The following SIPA1L1 variants were observed in gnomAD, a reference collection of about 807,000 sequenced individuals.
SIPA1L1 encodes the protein signal-induced proliferation-associated 1-like protein 1.
A neutral mutation model predicts 162.7 loss-of-function variants in SIPA1L1; 26 were observed. The ratio of observed to expected loss-of-function variants is 0.16; its 90% CI spans 0.12 to 0.22. The LOEUF (loss-of-function observed/expected upper bound fraction) is 0.22, where lower values mean the gene tolerates loss of function less well. Ranked by LOEUF, SIPA1L1 falls within the 10% of genes least tolerant of loss-of-function variation. The pLI, the probability that SIPA1L1 is intolerant of heterozygous loss-of-function variation, is 1.00. For synonymous variants in SIPA1L1, 829 were observed against 837.4 expected, an observed-to-expected ratio of 0.99 and a Z score of 0.17; for missense variants, 1,874 against 2,241.0, an observed-to-expected ratio of 0.84 and a Z score of 3.31.
chr14:71,412,936 G>A (rs1376565182), intron 2 of SIPA1L1, among the ~76,000 whole-genome samples: 1 of 152,180 alleles, frequency 6.6e-6, no homozygotes, highest in Non-Finnish European at 1.5e-5. Context: ...TACAACCATG[G>A]TGGGAGCTTA....
At chr14:71,543,871 ATGTG>A (rs759983460) in intron 4 of SIPA1L1, among the ~76,000 whole-genome samples, 4 of 141,844 alleles carry the variant, frequency 2.8e-5, no homozygotes, top group African/African-American at 8.2e-5. Flanking sequence ...TATCATACGT[ATGTG>A]TATATATACA....
Position 71,546,376 on chromosome 14 carries a change from C to CTTTTTTTTTTTT in SIPA1L1, c.-303+17012_-303+17023dup, listed in dbSNP as rs11480749. ...TCTGTATTGTTTTTTCTTTTTCTTTCTTTTTTTTTTTTTTTTTGAGATGGA... is the reference window on the plus strand; with the variant it reads ...TCTGTATTGTTTTTTCTTTTTCTTTCTTTTTTTTTTTTTTTTTTTTTTTTTTTTTGAGATGGA... On this transcript the variant is annotated intron_variant, in intron 4 of 23. Transcript: ENST00000381232. Among the ~76,000 whole-genome samples, 82 of 116,908 alleles carry CTTTTTTTTTTTT rather than the reference C, an allele frequency of 7.0e-4. 1 individual carries two copies. The highest frequency in any genetic ancestry group is 8.3e-4 in the Non-Finnish European group (50 of 60,554). 76.7% of individuals were successfully genotyped at this position (116,908 alleles called of 152,430 possible).
At chr14:71,367,751 C>T (rs538420889) in intron 2 of SIPA1L1, among the ~76,000 whole-genome samples, 4 of 151,422 alleles carry the variant, frequency 2.6e-5, no homozygotes, top group East Asian at 1.9e-4. Context: ...GGATTACAGG[C>T]GCCCACTACC....
At chr14:71,417,493 AAAAAAAAAAAG>A (rs1219260506) in intron 2 of SIPA1L1, among the ~76,000 whole-genome samples, 1 of 146,320 alleles carries the variant, frequency 6.8e-6, no homozygotes, top group Non-Finnish European at 1.5e-5. Context: ...AAAAAAAAAA[AAAAAAAAAAAG>A]AAAATCCTAA....
intron 5 of SIPA1L1, among the ~76,000 whole-genome samples, chr14:71,612,377 A>G (rs1477012601): frequency 6.6e-6 from 1 of 152,162 alleles, no homozygotes; most frequent in Non-Finnish European, 1.5e-5. Context: ...TGGGTTAGGC[A>G]TGAGATAGTA....
chr14:71,735,170 A>G, intron 21 of SIPA1L1, 107 bp from the exon 22 acceptor site: 1 of 733,732 alleles, frequency 1.4e-6, no homozygotes, highest in Non-Finnish European at 2.5e-6. Context: ...TGCATCCTGC[A>G]CTGGAAATAC....
At chr14:71,708,107 G>A (rs2082606969) in intron 16 of SIPA1L1, among the ~76,000 whole-genome samples, 2 of 133,732 alleles carry the variant, frequency 1.5e-5, no homozygotes, top group South Asian at 4.9e-4. Flanking sequence ...AAGCACAAAA[G>A]TTTTAAATTT....
intron 2 of SIPA1L1, among the ~76,000 whole-genome samples, chr14:71,424,852 T>C (rs542857722): frequency 3.9e-4 from 60 of 152,206 alleles, no homozygotes; most frequent in Non-Finnish European, 6.6e-4. Context: ...TAGTTCCTTA[T>C]TTGTTTGGTA....
At chr14:71,538,760 T>C (rs1185612950) in intron 4 of SIPA1L1, among the ~76,000 whole-genome samples, 5 of 152,040 alleles carry the variant, frequency 3.3e-5, no homozygotes, top group African/African-American at 1.2e-4. Context: ...TTTTCTGGTG[T>C]TTGCTGGATA....
chr14:71,367,103 C>G (rs184163515), intron 2 of SIPA1L1, among the ~76,000 whole-genome samples: 9 of 152,154 alleles, frequency 5.9e-5, no homozygotes, highest in African/African-American at 2.2e-4. Flanking sequence ...GTTGTCTTAA[C>G]ATAAATAGTA....
At chr14:71,466,632 C>T (rs1444002636) in intron 2 of SIPA1L1, among the ~76,000 whole-genome samples, 2 of 150,526 alleles carry the variant, frequency 1.3e-5, no homozygotes, top group South Asian at 2.1e-4. Context: ...ATTGTGTCCT[C>T]ATAGCAGCGT....
At chr14:71,509,242 T>G (rs1441718677) in intron 2 of SIPA1L1, among the ~76,000 whole-genome samples, 1 of 152,232 alleles carries the variant, frequency 6.6e-6, no homozygotes, top group Admixed American at 6.5e-5. Context: ...CTTCCTGAAT[T>G]TCTGTTTTTA....
intron 12 of SIPA1L1, among the ~76,000 whole-genome samples, chr14:71,683,575 G>T (rs1281773961): frequency 6.6e-6 from 1 of 152,142 alleles, no homozygotes; most frequent in Non-Finnish European, 1.5e-5. Context: ...ACAAATGAAA[G>T]ACTCTAAACT....
chr14:71,587,916 C>G lies in SIPA1L1; in HGVS notation c.44C>G (p.Thr15Ser), dbSNP rs766062172. Residue 15 changes from threonine to serine, a missense_variant, in exon 5 of 24, where the codon ACT becomes AGT. Physicochemically the swap from Thr to Ser is moderately conservative, Grantham distance 58. Coordinates refer to ENST00000381232, the MANE Select transcript of SIPA1L1 (RefSeq NM_001386936.1). Reference sequence around the variant, plus strand: ...TCACAGACAGAAAGGCCTCTTGCCACTGACAGGGCCTCTGTTGTTGGCACA... The same window carrying G: ...TCACAGACAGAAAGGCCTCTTGCCAGTGACAGGGCCTCTGTTGTTGGCACA... ...KRSQTERPLA[T>S]DRASVVGTDG... The G allele has an allele frequency of 1.1e-5, 17 of 1,612,816 alleles. No individual in the cohort carries two copies. Among genetic ancestry groups the G allele is most frequent in the Admixed American group, 1.7e-5 (1 of 59,978 alleles).
At chr14:71,646,078 C>T (rs1157958191) in intron 7 of SIPA1L1, among the ~76,000 whole-genome samples, 3 of 152,116 alleles carry the variant, frequency 2.0e-5, no homozygotes, top group Non-Finnish European at 4.4e-5. Context: ...TGGTTATTCA[C>T]ATCTCTTTCT....
intron 17 of SIPA1L1, among the ~76,000 whole-genome samples, chr14:71,721,573 G>A (rs904677125): frequency 6.6e-6 from 1 of 152,218 alleles, no homozygotes; most frequent in Non-Finnish European, 1.5e-5. Flanking sequence ...CCACTCAGGA[G>A]CAAAGTTCTG....
At position 71,433,294 on chromosome 14, in the gene SIPA1L1, G is replaced by A. The variant is rs2044135888; in HGVS notation, c.-464-79449G>A. Reference sequence around the variant, plus strand: ...TATTTGCAAGATTAGATTATCAATGGAGTTTGAAGGTAGACTCTTGTCTGG... The same window carrying A: ...TATTTGCAAGATTAGATTATCAATGAAGTTTGAAGGTAGACTCTTGTCTGG... On this transcript the variant is annotated intron_variant, in intron 2 of 23. Coordinates refer to ENST00000381232, the MANE Select transcript of SIPA1L1 (RefSeq NM_001386936.1). Among the ~76,000 whole-genome samples, 3 of 152,142 alleles carry A rather than the reference G, an allele frequency of 2.0e-5. No homozygotes were observed. In the South Asian group the frequency reaches 6.2e-4, roughly 32 times the overall value.
At chr14:71,423,499 G>A (rs535686344) in intron 2 of SIPA1L1, among the ~76,000 whole-genome samples, 10 of 152,238 alleles carry the variant, frequency 6.6e-5, no homozygotes, top group East Asian at 5.8e-4. Context: ...GTTAATTTTT[G>A]TAAGTAGTAT....
rs202237093 is a variant in SIPA1L1 at position 71,661,453 on chromosome 14, C to A, written c.2241C>A (p.Asp747Glu). 9 of 1,613,934 alleles carry A rather than the reference C, an allele frequency of 5.6e-6. No homozygotes were observed. The Admixed American group carries it at 1.5e-4, about 27-fold the overall frequency. Residue 747 changes from aspartate (D) to glutamate (E), a missense_variant, in exon 10 of 24, where the codon GAC (aspartate) becomes GAA (glutamate). Coordinates refer to ENST00000381232, the MANE Select transcript of SIPA1L1 (RefSeq NM_001386936.1). The stretch of plus-strand genomic sequence containing the variant: ...TCAGGGTGCACAATCCGTGCTCTGA[C>A]AGTGTCTGTTATAGGTGTGTATGGG... The part of the protein sequence containing the change: ...VIVRVHNPCS[D>E]SVCYSVAVTR...
Sources: gnomAD v4.1 joint callset for allele counts (sites outside exome capture counted in the v4.1 genomes callset) on GRCh38, gnomAD v4.1.1 for gene constraint, MANE v1.5 for transcripts, NCBI Gene and HGNC (gene_info 2026-07-23, HGNC 2026-07-21) for gene names.